Variants in GSDMC observed in about 807,000 individuals in gnomAD.
GSDMC encodes the protein gasdermin C, also known as gasdermin-C.
In GSDMC, 59 loss-of-function variants were observed where a neutral mutation model predicts 58.0. The ratio of observed to expected loss-of-function variants is 1.02; its 90% CI spans 0.82 to 1.26. The LOEUF is 1.26. Among genes scored for constraint, GSDMC ranks in the 50% most tolerant of loss-of-function variants. The pLI, the probability that GSDMC is intolerant of heterozygous loss-of-function variation, is 0.00. For synonymous variants in GSDMC, 241 were observed against 220.2 expected (o/e 1.09, Z -0.83); for missense variants, 659 against 598.5 (o/e 1.10, Z -1.06).
rs2033127778 is a variant in GSDMC at position 129,750,234 on chromosome 8, C to G, written c.1084-115G>C. ...TAGGCATGAGGGTTCTCTACCTCCCCCAGGGGATTCCAAGCAGCCTCAGTA... is the reference window on the plus strand; with the variant it reads ...TAGGCATGAGGGTTCTCTACCTCCCGCAGGGGATTCCAAGCAGCCTCAGTA... On this transcript the variant is annotated intron_variant, in intron 11 of 13. Transcript: ENST00000276708. The G allele has an allele frequency of 2.9e-6, 3 of 1,043,064 alleles. No individual in the cohort carries two copies. In the Admixed American group the frequency reaches 8.7e-5, roughly 30 times the overall value. 64.6% of individuals were successfully genotyped at this position (1,043,064 alleles called of 1,614,324 possible). A position where few individuals can be genotyped will look rare whatever the true frequency, so the allele number is the denominator to read the frequency against.
At chr8:129,742,951 A>G in the GSDMC span, among the ~76,000 whole-genome samples, 8 of 152,126 alleles carry the variant, frequency 5.3e-5, no homozygotes, top group South Asian at 2.1e-4. Flanking sequence ...TTTGCTTTTT[A>G]TCATGGATTT....
chr8:129,707,625 T>A, the GSDMC span, among the ~76,000 whole-genome samples: 96,219 of 152,068 alleles, frequency 0.63, 33,077 homozygotes, highest in African/African-American at 0.89. Context: ...TGGAAACAGC[T>A]CAAAGCTATT....
chr8:129,751,952 C>T lies in GSDMC; in HGVS notation c.887-61G>A, dbSNP rs985999234. 3.2e-6 allele frequency: 5 copies of T among 1,547,190 alleles called. No homozygotes were observed. The African/African-American group carries it at 5.4e-5, about 17-fold the overall frequency. The stretch of plus-strand genomic sequence containing the variant: ...TCAAAGACTAGATTTCTCCAACCTT[C>T]TGCCCTTCTTTCCCTGAACCACTCT... On this transcript the variant is annotated intron_variant, in intron 8 of 13. Transcript: ENST00000276708.
At chr8:129,782,581 C>T (rs1586625405) in intron 1 of GSDMC, among the ~76,000 whole-genome samples, 1 of 152,056 alleles carries the variant, frequency 6.6e-6, no homozygotes, top group Non-Finnish European at 1.5e-5. Flanking sequence ...CTATGAGCAA[C>T]TATACACCAA....
intron 1 of GSDMC, among the ~76,000 whole-genome samples, chr8:129,777,847 G>C (rs1358049645): frequency 1.3e-5 from 2 of 152,196 alleles, no homozygotes; most frequent in East Asian, 3.9e-4. Context: ...AGCCTACCTA[G>C]CATCTGGGAT....
At chr8:129,724,446 T>C in the GSDMC span, among the ~76,000 whole-genome samples, 1 of 152,242 alleles carries the variant, frequency 6.6e-6, no homozygotes, top group South Asian at 2.1e-4. Flanking sequence ...GATAATACAA[T>C]AACAATTTGT....
chr8:129,770,289 G>A (rs2034005902), intron 3 of GSDMC, among the ~76,000 whole-genome samples: 1 of 152,150 alleles, frequency 6.6e-6, no homozygotes, highest in African/African-American at 2.4e-5. Context: ...GAGGCCAGGA[G>A]TTCAAGACCA....
chr8:129,708,164 T>A, the GSDMC span, among the ~76,000 whole-genome samples: 1 of 152,188 alleles, frequency 6.6e-6, no homozygotes, highest in African/African-American at 2.4e-5. Context: ...AATTTAAGAC[T>A]GTGGCAGCAG....
chr8:129,748,781 G>C lies in GSDMC; in HGVS notation c.1288-41C>G, dbSNP rs188881042. 281 of 1,466,430 alleles carry C rather than the reference G, an allele frequency of 1.9e-4. No homozygotes were observed. The African/African-American group carries it at 3.8e-3, about 20-fold the overall frequency. 90.8% of individuals were successfully genotyped at this position (1,466,430 alleles called of 1,614,324 possible). On this transcript the variant is annotated intron_variant, in intron 13 of 13. Transcript: ENST00000276708. The stretch of plus-strand genomic sequence containing the variant: ...TCAGGTTCTACAGACCAGCCTTTAA[G>C]ATGAGGAAGAGAAGGCTTCTGCCCC...
In GSDMC at chr8:129,765,793, C is replaced by T. The variant is rs771497849; in HGVS notation, c.405G>A (p.Arg135=). Reference sequence around the variant, plus strand: ...ATGATGGCTCTGGATCCAACAGTTTCCTGGGGATTTAAGGAAGGAGGACAA... The same window carrying T: ...ATGATGGCTCTGGATCCAACAGTTTTCTGGGGATTTAAGGAAGGAGGACAA... ...PSPNLEDFQK[R]KLLDPEPSFL... Residue 135 remains arginine (R), a splice_region_variant and synonymous_variant, in exon 4 of 14, where the codon AGG becomes AGA. Transcript: ENST00000276708. 6.2e-6 allele frequency: 10 copies of T among 1,612,720 alleles called. No individual in the cohort carries two copies. Among genetic ancestry groups the T allele is most frequent in the African/African-American group, 2.7e-5 (2 of 74,882 alleles).
rs1391375173 is a variant in GSDMC at position 129,748,594 on chromosome 8, A to G, written c.1434T>C (p.Asp478=). 6.2e-7 allele frequency: 1 copy of G among 1,613,806 alleles called. No homozygotes were observed. The highest frequency in any genetic ancestry group is 8.5e-7 in the Non-Finnish European group (1 of 1,179,834). Residue 478 remains aspartate, a synonymous_variant, in exon 14 of 14, where the codon GAT becomes GAC. Transcript: ENST00000276708. ...LEECGLRMEL[D]NPRSTWDVEA... is the part of the protein sequence containing the mutation. ...CTACATCCCAGGTTGACCTGGGGTT[A>G]TCCAGCTCCATCCTAAGGCCACACT...
the GSDMC span, among the ~76,000 whole-genome samples, chr8:129,719,899 C>A: frequency 6.6e-6 from 1 of 152,160 alleles, no homozygotes; most frequent in East Asian, 1.9e-4. Flanking sequence ...GAGCCAGTAT[C>A]ACTTCACTGC....
At chr8:129,723,635 C>T in the GSDMC span, among the ~76,000 whole-genome samples, 1 of 152,152 alleles carries the variant, frequency 6.6e-6, no homozygotes, top group Non-Finnish European at 1.5e-5. Context: ...TCTGCTCAAA[C>T]ACTCCTGGCA....
chr8:129,740,588 A>G, the GSDMC span, among the ~76,000 whole-genome samples: 1 of 152,336 alleles, frequency 6.6e-6, no homozygotes, highest in South Asian at 2.1e-4. Flanking sequence ...AGGCCATACC[A>G]TATAGCTTAG....
the GSDMC span, among the ~76,000 whole-genome samples, chr8:129,717,741 G>T: frequency 6.6e-6 from 1 of 152,130 alleles, no homozygotes; most frequent in South Asian, 2.1e-4. Flanking sequence ...GAACAAAGCT[G>T]GAGGCATCAT....
intron 1 of GSDMC, among the ~76,000 whole-genome samples, chr8:129,784,622 G>A (rs547598858): frequency 2.9e-4 from 44 of 152,294 alleles, no homozygotes; most frequent in African/African-American, 1.0e-3. Context: ...GTAGAGAAAA[G>A]GGAAACTTGT....
intron 4 of GSDMC, among the ~76,000 whole-genome samples, chr8:129,764,535 T>C (rs1274264057): frequency 6.6e-6 from 1 of 152,146 alleles, no homozygotes; most frequent in Non-Finnish European, 1.5e-5. Flanking sequence ...TCACTGTAAC[T>C]AGTCTTCCTA....
At chr8:129,730,033 G>A in the GSDMC span, 23 of 1,276,630 alleles carry the variant, frequency 1.8e-5, no homozygotes, top group African/African-American at 2.9e-5. Flanking sequence ...AGGATGAGAA[G>A]GAAAAGGAGT....
At chr8:129,728,549 A>AC in the GSDMC span, among the ~76,000 whole-genome samples, 1 of 152,118 alleles carries the variant, frequency 6.6e-6, no homozygotes, top group African/African-American at 2.4e-5. Flanking sequence ...CTGCAGGTGT[A>AC]CCCCCAATGA....
Sources: gnomAD v4.1 joint callset for allele counts (sites outside exome capture counted in the v4.1 genomes callset) on GRCh38, gnomAD v4.1.1 for gene constraint, MANE v1.5 for transcripts, NCBI Gene and HGNC (gene_info 2026-07-23, HGNC 2026-07-21) for gene names.